ATP2B2: variants seen among roughly 807,000 people sequenced by gnomAD.
ATP2B2 encodes ATPase plasma membrane Ca2+ transporting 2, also known as plasma membrane calcium-transporting ATPase 2.
A neutral mutation model predicts 120.0 loss-of-function variants in ATP2B2; 15 were observed. The observed-to-expected ratio is 0.12, with a 90% CI of 0.08 to 0.19. The LOEUF is 0.19. Among genes scored for constraint, ATP2B2 ranks in the 10% least tolerant of loss-of-function variants. The pLI, the probability that ATP2B2 is intolerant of heterozygous loss-of-function variation, is 1.00. For missense variants in ATP2B2, 1,045 were observed against 1,719.8 expected, an observed-to-expected ratio of 0.61 and a Z score of 6.94; for synonymous variants, 694 against 700.3, an observed-to-expected ratio of 0.99 and a Z score of 0.14.
At chr3:10,507,305 G>A (rs2066660219), upstream of ATP2B2, among the ~76,000 whole-genome samples, 1 of 152,126 alleles carries the variant, frequency 6.6e-6, no homozygotes, top group Admixed American at 6.5e-5. Context: ...GCTTCATCTT[G>A]CGGGTGCAGA....
chr3:10,547,915 C>A (rs114383369), intron 2 of ATP2B2, among the ~76,000 whole-genome samples: 44 of 152,360 alleles, frequency 2.9e-4, no homozygotes, highest in African/African-American at 1.1e-3. Flanking sequence ...ATTTTCCCAA[C>A]ACCCTCCACA....
intron 2 of ATP2B2, among the ~76,000 whole-genome samples, chr3:10,569,032 CTCT>C (rs898120392): frequency 1.3e-5 from 2 of 152,066 alleles, no homozygotes; most frequent in Admixed American, 6.5e-5. Flanking sequence ...ATGGATCCTC[CTCT>C]TAACCCTGGG....
intron 3 of ATP2B2, among the ~76,000 whole-genome samples, chr3:10,407,787 C>T (rs1268919394): frequency 1.3e-5 from 2 of 152,222 alleles, no homozygotes; most frequent in Admixed American, 1.3e-4. Flanking sequence ...TGGGGAGTGA[C>T]ACCTGCTTCC....
intron 3 of ATP2B2, among the ~76,000 whole-genome samples, chr3:10,404,073 G>C (rs1417821434): frequency 6.6e-6 from 1 of 152,214 alleles, no homozygotes; most frequent in East Asian, 1.9e-4. Context: ...TGGGCATTGG[G>C]CTCCTGGAAG....
chr3:10,643,914 A>G (rs2070243681), intron 1 of ATP2B2, among the ~76,000 whole-genome samples: 1 of 152,226 alleles, frequency 6.6e-6, no homozygotes, highest in East Asian at 1.9e-4. Flanking sequence ...CAAAAAGGAA[A>G]TAGATAAATT....
rs1326689708 is a variant in ATP2B2 at position 10,493,669 on chromosome 3, G to T, written c.-320+11796C>A. Among the ~76,000 whole-genome samples the T allele has an allele frequency of 2.6e-5, 4 of 152,182 alleles. No homozygotes were observed. In the East Asian group the frequency reaches 7.7e-4, roughly 29 times the overall value. ...AGGATCTGGGGGACCAGTAGGGAAGGCCCCTCCCTTCATCTATTCTACATG... is the reference window on the plus strand; with the variant it reads ...AGGATCTGGGGGACCAGTAGGGAAGTCCCCTCCCTTCATCTATTCTACATG... On this transcript the variant is annotated intron_variant, in intron 1 of 22. Transcript: ENST00000360273.
rs1479954569 is a variant in ATP2B2, at chr3:10,328,949, G to A, written c.3597C>T (p.Asn1199=). 1 of 1,613,952 alleles carries A rather than the reference G, an allele frequency of 6.2e-7. No homozygotes were observed. The highest frequency in any genetic ancestry group is 1.7e-5 in the Admixed American group (1 of 59,984). Residue 1199 remains asparagine, a synonymous_variant, in exon 23 of 23, where the codon AAC becomes AAT. Coordinates refer to ENST00000360273, the MANE Select transcript of ATP2B2 (RefSeq NM_001001331.4). ...DLEEDAALKQ[N]SSPPSSLNKN... ...TGTTGAGGGATGACGGCGGGCTCGA[G>A]TTCTGCTTGAGCGCGGCATCTTCTT...
At chr3:10,688,401 C>T (rs1175439914) in intron 1 of ATP2B2, among the ~76,000 whole-genome samples, 1 of 152,250 alleles carries the variant, frequency 6.6e-6, no homozygotes, top group African/African-American at 2.4e-5. Context: ...TGCACATTGA[C>T]TCTCCAGAGT....
chr3:10,486,948 G>A lies in ATP2B2; in HGVS notation c.-320+18517C>T, dbSNP rs187299869. ...ACTAAATGTAGGCCAGGCTGGTCTCGAACTCCTGACCTCAAGTGATCTGCC... is the reference window on the plus strand; with the variant it reads ...ACTAAATGTAGGCCAGGCTGGTCTCAAACTCCTGACCTCAAGTGATCTGCC... On this transcript the variant is annotated intron_variant, in intron 1 of 22. Transcript: ENST00000360273. Among the ~76,000 whole-genome samples the A allele has an allele frequency of 1.4e-3, 216 of 152,132 alleles. 3 individuals carry two copies. The highest frequency in any genetic ancestry group is 0.013 in the Admixed American group (203 of 15,292).
Position 10,690,763 on chromosome 3 carries a change from T to C in ATP2B2, c.-460+17152A>G, listed in dbSNP as rs1318032308. 2.0e-5 allele frequency among the ~76,000 whole-genome samples: 3 copies of C among 152,208 alleles called. No homozygotes were observed. The East Asian group carries it at 5.8e-4, about 29-fold the overall frequency. On this transcript the variant is annotated intron_variant, in intron 1 of 21. Transcript: ENST00000646379. Reference sequence around the variant, plus strand: ...ATCCTAGAGGAAAATCATTCACTTATTGACGGGCAATGTCAACTGCCCTGG... The same window carrying C: ...ATCCTAGAGGAAAATCATTCACTTACTGACGGGCAATGTCAACTGCCCTGG...
At position 10,328,489 on chromosome 3, in the gene ATP2B2, T is replaced by C. The variant is rs1293106576; in HGVS notation, c.*325A>G. The C allele has an allele frequency of 5.5e-6, 2 of 363,934 alleles. No individual in the cohort carries two copies. The highest frequency in any genetic ancestry group is 1.0e-5 in the Non-Finnish European group (2 of 198,804). The allele number at this position is 363,934 out of a possible 1,614,324, so 22.5% of individuals were successfully genotyped here. A position where few individuals can be genotyped will look rare whatever the true frequency, so the allele number is the denominator to read the frequency against. On this transcript the variant is annotated 3_prime_UTR_variant, in exon 23 of 23. Coordinates refer to ENST00000360273, the MANE Select transcript of ATP2B2 (RefSeq NM_001001331.4). ...GGATTGAAAGTGTACAGTACATTCATGCGGGGGACGTGGTGGCTGGGCGGG... is the reference window on the plus strand; with the variant it reads ...GGATTGAAAGTGTACAGTACATTCACGCGGGGGACGTGGTGGCTGGGCGGG...
intron 16 of ATP2B2, among the ~76,000 whole-genome samples, chr3:10,348,048 C>T (rs1443994760): frequency 6.6e-6 from 1 of 152,114 alleles, no homozygotes; most frequent in Non-Finnish European, 1.5e-5. Context: ...TCAGCCTGCA[C>T]CATCACTCGG....
chr3:10,443,465 G>T (rs186536868), intron 2 of ATP2B2, among the ~76,000 whole-genome samples: 3 of 152,168 alleles, frequency 2.0e-5, no homozygotes, highest in African/African-American at 7.2e-5. Context: ...CAGTGAGAGC[G>T]TAGTCTGGGA....
chr3:10,394,370 C>CG, intron 5 of ATP2B2: 1 of 464,084 alleles, frequency 2.2e-6, no homozygotes, highest in Non-Finnish European at 4.5e-6. Context: ...CAACAGCCCC[C>CG]TGAGGTAGGT....
chr3:10,343,050 A>G lies in ATP2B2; in HGVS notation c.2704-85T>C, dbSNP rs1665500646. On this transcript the variant is annotated intron_variant, in intron 18 of 22. Transcript: ENST00000360273. This position sits in a 1 kb window ranked among gnomAD's most constrained non-coding sequence, Gnocchi z 4.2. ...GGCGGGCTCATGGTGTAGTGTCCGC[A>G]GGCTCCTGCTGGAGGCTGGAGTCCG... 1 of 1,440,000 alleles carries G rather than the reference A, an allele frequency of 6.9e-7. No homozygotes were observed. 89.2% of individuals were successfully genotyped at this position (1,440,000 alleles called of 1,614,324 possible).
intron 2 of ATP2B2, among the ~76,000 whole-genome samples, chr3:10,435,446 G>A (rs1015154283): frequency 6.6e-6 from 1 of 152,156 alleles, no homozygotes; most frequent in Non-Finnish European, 1.5e-5. Context: ...GGCTTAGGAT[G>A]ACCACCCTGT....
intron 2 of ATP2B2, among the ~76,000 whole-genome samples, chr3:10,614,964 C>T (rs867790696): frequency 3.3e-5 from 5 of 152,282 alleles, no homozygotes; most frequent in South Asian, 4.2e-4. Flanking sequence ...GCTGTTTTCT[C>T]AATCAAGTGT....
At chr3:10,407,510 A>C (rs1328024258) in intron 3 of ATP2B2, among the ~76,000 whole-genome samples, 1 of 152,128 alleles carries the variant, frequency 6.6e-6, no homozygotes, top group African/African-American at 2.4e-5. Context: ...TTCTGTGCAC[A>C]GGGCTGCCCG....
chr3:10,466,197 T>C (rs924475717), intron 1 of ATP2B2, among the ~76,000 whole-genome samples: 2 of 152,208 alleles, frequency 1.3e-5, no homozygotes, highest in Non-Finnish European at 2.9e-5. Context: ...TGAGCTGAGA[T>C]TTTCTTCATG....
Sources: gnomAD v4.1 joint callset for allele counts (sites outside exome capture counted in the v4.1 genomes callset) on GRCh38, gnomAD v4.1.1 for gene constraint, Gnocchi (gnomAD v3.1) non-coding constraint, MANE v1.5 for transcripts, NCBI Gene and HGNC (gene_info 2026-07-23, HGNC 2026-07-21) for gene names.